The following AGL variants were observed in gnomAD, a reference collection of about 807,000 sequenced individuals.
AGL encodes the protein glycogen debranching enzyme.
Under a neutral mutation model 199.3 loss-of-function variants are expected in AGL, and 128 were observed. The ratio of observed to expected loss-of-function variants is 0.64; its 90% CI spans 0.56 to 0.74. The LOEUF is 0.74. AGL is among the 30% of genes least tolerant of loss of function. The probability of loss-of-function intolerance (pLI) is 0.00; values close to 1 mark genes in which losing one functional copy is unlikely to be tolerated. For missense variants in AGL, 1,809 were observed against 1,820.8 expected (o/e 0.99, Z 0.12); for synonymous variants, 584 against 594.7 (o/e 0.98, Z 0.26).
At chr1:99,866,475 G>T (rs1025956489) in intron 5 of AGL, among the ~76,000 whole-genome samples, 3 of 152,150 alleles carry the variant, frequency 2.0e-5, no homozygotes, top group East Asian at 1.9e-4. Flanking sequence ...TGAGGAAAGG[G>T]CAGGCATGTC....
At chr1:99,911,452 T>C (rs1654746790) in intron 28 of AGL, among the ~76,000 whole-genome samples, 1 of 152,196 alleles carries the variant, frequency 6.6e-6, no homozygotes, top group Admixed American at 6.5e-5. Flanking sequence ...TTCTAATTTT[T>C]TTTTTTGAAA....
At chr1:99,892,308 TA>T (rs1652956214) in intron 23 of AGL, 123 bp from the exon 24 acceptor site, 1 of 887,042 alleles carries the variant, frequency 1.1e-6, no homozygotes, top group Non-Finnish European at 1.7e-6. Flanking sequence ...TTAAAAATGT[TA>T]AGTAATATTA....
At chr1:99,892,770 G>A (rs1653008761) in intron 24 of AGL, among the ~76,000 whole-genome samples, 163 bp downstream of exon 24, 1 of 152,032 alleles carries the variant, frequency 6.6e-6, no homozygotes, top group African/African-American at 2.4e-5. Context: ...TAATAACCAT[G>A]CTTACTGTTT....
At chr1:99,851,944 C>T (rs907379943) in intron 2 of AGL, among the ~76,000 whole-genome samples, 31 of 152,120 alleles carry the variant, frequency 2.0e-4, no homozygotes, top group South Asian at 6.2e-4. Flanking sequence ...GCCAAATCCG[C>T]GCCTTTTTCC....
At chr1:99,861,301 A>G (rs1650010572) in intron 2 of AGL, 3 of 1,435,848 alleles carry the variant, frequency 2.1e-6, no homozygotes, top group Admixed American at 2.7e-5. Flanking sequence ...AGACAGCTCT[A>G]TGATGTTTAC....
intron 12 of AGL, among the ~76,000 whole-genome samples, chr1:99,878,732 TTATAA>T (rs1475992443): frequency 6.6e-6 from 1 of 152,132 alleles, no homozygotes; most frequent in Non-Finnish European, 1.5e-5. Context: ...TAAAGCAGTA[TTATAA>T]TATATATTTC....
chr1:99,864,892 G>A (rs1042768052), intron 5 of AGL, among the ~76,000 whole-genome samples: 1 of 152,174 alleles, frequency 6.6e-6, no homozygotes, highest in Non-Finnish European at 1.5e-5. Flanking sequence ...CAGTACAGTA[G>A]TCCCCCCTTA....
At chr1:99,865,032 C>T (rs897114739) in intron 5 of AGL, among the ~76,000 whole-genome samples, 1 of 152,302 alleles carries the variant, frequency 6.6e-6, no homozygotes, top group South Asian at 2.1e-4. Context: ...GACAAACTCT[C>T]ATGCCATCCT....
Position 99,877,621 on chromosome 1 carries a change from G to A in AGL, c.1424-20G>A. On this transcript the variant is annotated intron_variant, in intron 11 of 33. Coordinates refer to ENST00000361915, the MANE Select transcript of AGL (RefSeq NM_000642.3). ...CATTTTATTTCTTGAACCATTGAAA[G>A]CAATCTCTTTTCTGAACAGGTTCAG... 6.2e-7 allele frequency: 1 copy of A among 1,610,918 alleles called. No homozygotes were observed.
intron 5 of AGL, among the ~76,000 whole-genome samples, chr1:99,864,924 G>A (rs1650380770): frequency 6.6e-6 from 1 of 152,080 alleles, no homozygotes; most frequent in Non-Finnish European, 1.5e-5. Context: ...GCTTTCTGAG[G>A]TTTCAGTTAC....
intron 2 of AGL, among the ~76,000 whole-genome samples, chr1:99,858,901 A>G (rs973300237): frequency 2.0e-5 from 3 of 151,900 alleles, no homozygotes; most frequent in South Asian, 2.1e-4. Context: ...TACATAATCT[A>G]TGAGAACATC....
chr1:99,897,017 G>A (rs924513041), intron 25 of AGL, among the ~76,000 whole-genome samples: 3 of 152,078 alleles, frequency 2.0e-5, no homozygotes, highest in African/African-American at 4.8e-5. Context: ...GGGTTTCACC[G>A]TGTTGGTCAG....
intron 2 of AGL, 146 bp from the exon 3 acceptor site, chr1:99,861,357 A>G: frequency 2.0e-6 from 3 of 1,520,684 alleles, no homozygotes; most frequent in Admixed American, 4.3e-5. Flanking sequence ...AATACAAAGT[A>G]GTGCCAAAAC....
chr1:99,891,262 TG>T lies in AGL; in HGVS notation c.2859del (p.His954IlefsTer7). On this transcript the variant is annotated frameshift_variant, in exon 22 of 34. Transcript: ENST00000361915. LOFTEE classifies it high-confidence loss of function. Reference sequence around the variant, plus strand: ...GCAGAAATAAGACCAAAGAATGACTTGGGGCATCCTTTTTGTAATAATTTGA... The same window carrying T: ...GCAGAAATAAGACCAAAGAATGACTTGGGCATCCTTTTTGTAATAATTTGA... Reference protein sequence around the residue: ...VLAEIRPKNDLGHPFCNNLRS... With the variant: ...VLAEIRPKNDXGHPFCNNLRS... The T allele has an allele frequency of 1.9e-6, 3 of 1,613,656 alleles. No homozygotes were observed. The highest frequency in any genetic ancestry group is 2.5e-6 in the Non-Finnish European group (3 of 1,179,662).
In AGL at chr1:99,913,660, A is replaced by G. The variant is rs897156043; in HGVS notation, c.4083A>G (p.Ile1361Met). 1 of 1,614,150 alleles carries G rather than the reference A, an allele frequency of 6.2e-7. No individual in the cohort carries two copies. The highest frequency in any genetic ancestry group is 1.3e-5 in the African/African-American group (1 of 75,054). The change falls in exon 30 of 34, where the codon ATA (isoleucine) becomes ATG (methionine). Residue 1361 changes from isoleucine (I) to methionine (M), a missense_variant. Ile to Met is a conservative substitution (Grantham distance 10, BLOSUM62 1). Transcript: ENST00000361915. ...KHPNLVHKRG[I>M]YKDSYGASSP... Reference sequence around the variant, plus strand: ...CAAATCTGGTTCACAAACGTGGCATATACAAAGATAGTTATGGAGCTTCAA... The same window carrying G: ...CAAATCTGGTTCACAAACGTGGCATGTACAAAGATAGTTATGGAGCTTCAA...
chr1:99,881,001 A>G lies in AGL; in HGVS notation c.1900-75A>G. On this transcript the variant is annotated intron_variant, in intron 14 of 33. Coordinates refer to ENST00000361915, the MANE Select transcript of AGL (RefSeq NM_000642.3). Reference sequence around the variant, plus strand: ...AATTTATTTATGTAATTATCCTTTTACTTCATTATGCTATAGAATAGCACT... The same window carrying G: ...AATTTATTTATGTAATTATCCTTTTGCTTCATTATGCTATAGAATAGCACT... The G allele has an allele frequency of 2.3e-6, 3 of 1,331,414 alleles. No homozygotes were observed. In the Admixed American group the frequency reaches 5.1e-5, roughly 23 times the overall value. 82.5% of individuals were successfully genotyped at this position (1,331,414 alleles called of 1,614,324 possible). A position where few individuals can be genotyped will look rare whatever the true frequency, so the allele number is the denominator to read the frequency against.
At chr1:99,892,374 A>G (rs920196568) in intron 23 of AGL, 58 bp from the exon 24 acceptor site, 3 of 1,516,118 alleles carry the variant, frequency 2.0e-6, no homozygotes, top group Non-Finnish European at 2.7e-6. Context: ...ACCAAGTAAA[A>G]TAAAACTGCT....
At position 99,906,519 on chromosome 1, in the gene AGL, A is replaced by G. The variant is rs377006559; in HGVS notation, c.3700+3725A>G. Among the ~76,000 whole-genome samples the G allele has an allele frequency of 1.5e-4, 23 of 152,314 alleles. 1 individual carries two copies. Among genetic ancestry groups the G allele is most frequent in the East Asian group, 1.2e-3 (6 of 5,192 alleles). On this transcript the variant is annotated intron_variant, in intron 27 of 33. Coordinates refer to ENST00000361915, the MANE Select transcript of AGL (RefSeq NM_000642.3). ...AAAACAAACTCTATACTCGTGAAAC[A>G]CTAGTTCTTCCTCCTCTATCCCCAC... is the stretch of plus-strand genomic sequence containing the variant.
intron 2 of AGL, among the ~76,000 whole-genome samples, chr1:99,853,890 T>C (rs1057137818): frequency 4.0e-5 from 6 of 151,086 alleles, no homozygotes; most frequent in Non-Finnish European, 8.9e-5. Flanking sequence ...ACCCTGTCTT[T>C]AAAAAACAAA....
Sources: allele counts gnomAD v4.1 joint callset (sites outside exome capture counted in the v4.1 genomes callset), GRCh38; gene constraint gnomAD v4.1.1; transcripts MANE v1.5; gene names NCBI Gene and HGNC (gene_info 2026-07-23, HGNC 2026-07-21).